SCLT1: variants seen among roughly 807,000 people sequenced by gnomAD.
SCLT1 encodes sodium channel and clathrin linker 1.
Under a neutral mutation model 112.8 loss-of-function variants are expected in SCLT1, and 78 were observed. That is an observed-to-expected ratio of 0.69 (90% CI 0.58 to 0.83). The LOEUF is 0.83. SCLT1 is among the 40% of genes least tolerant of loss of function. The probability of loss-of-function intolerance (pLI) is 0.00; values close to 1 mark genes in which losing one functional copy is unlikely to be tolerated. For synonymous variants in SCLT1, 257 were observed against 254.7 expected, an observed-to-expected ratio of 1.01 and a Z score of -0.09; for missense variants, 747 against 770.4, an observed-to-expected ratio of 0.97 and a Z score of 0.36.
At chr4:128,931,675 G>T (rs1375588159) in intron 18 of SCLT1, among the ~76,000 whole-genome samples, 1 of 152,102 alleles carries the variant, frequency 6.6e-6, no homozygotes, top group Non-Finnish European at 1.5e-5. Context: ...TGTTAGTCAG[G>T]ATGGTCTCGA....
At chr4:128,906,414 G>A (rs1461559210) in intron 18 of SCLT1, among the ~76,000 whole-genome samples, 1 of 152,038 alleles carries the variant, frequency 6.6e-6, no homozygotes, top group Non-Finnish European at 1.5e-5. Context: ...TAACCAGGAT[G>A]GTCTTGATCT....
chr4:129,068,920 G>A (rs1166383219), intron 2 of SCLT1, among the ~76,000 whole-genome samples: 1 of 152,174 alleles, frequency 6.6e-6, no homozygotes, highest in African/African-American at 2.4e-5. Flanking sequence ...TTAGATTTAA[G>A]TCCTTAATCC....
intron 9 of SCLT1, among the ~76,000 whole-genome samples, chr4:128,979,751 A>G (rs577716860): frequency 6.6e-6 from 1 of 152,302 alleles, no homozygotes; most frequent in Admixed American, 6.5e-5. Flanking sequence ...AACATCAATT[A>G]AAATATATTT....
Position 128,997,937 on chromosome 4 carries a change from A to T in SCLT1, c.552T>A (p.Asp184Glu). 1 of 1,501,090 alleles carries T rather than the reference A, an allele frequency of 6.7e-7. No individual in the cohort carries two copies. The highest frequency in any genetic ancestry group is 9.0e-7 in the Non-Finnish European group (1 of 1,114,880). The allele number at this position is 1,501,090 out of a possible 1,614,324, so 93.0% of individuals were successfully genotyped here. Residue 184 changes from aspartate to glutamate, a missense_variant and splice_region_variant, in exon 8 of 21, where the codon GAT becomes GAA. This residue lies in a region of SCLT1 where 723 missense variants were observed against 721.3 expected (regional missense o/e 1.00). Transcript: ENST00000281142. ...IHVFESQKQK[D>E]QLFDFQQLTK... ...TCAGTTGTTGAAAATCAAATAGCTG[A>T]TCCTACAGTGGGAAGGTAAGGGGAG... is the stretch of plus-strand genomic sequence containing the variant.
At chr4:128,991,445 A>T (rs1228897068) in intron 9 of SCLT1, among the ~76,000 whole-genome samples, 1 of 151,896 alleles carries the variant, frequency 6.6e-6, no homozygotes. Context: ...CTTCAAAAGT[A>T]CAGGCAACCA....
intron 18 of SCLT1, among the ~76,000 whole-genome samples, chr4:128,931,974 C>T (rs1736812040): frequency 6.6e-6 from 1 of 151,158 alleles, no homozygotes; most frequent in African/African-American, 2.4e-5. Flanking sequence ...CAATTATAGC[C>T]CATCTGGTTT....
chr4:129,080,389 T>C (rs1334230932), intron 2 of SCLT1, among the ~76,000 whole-genome samples: 2 of 152,228 alleles, frequency 1.3e-5, no homozygotes, highest in Non-Finnish European at 2.9e-5. Flanking sequence ...AGGCTACATC[T>C]TGAGTGCTTT....
chr4:128,920,199 CAA>C (rs796242809), intron 18 of SCLT1, among the ~76,000 whole-genome samples: 15 of 152,298 alleles, frequency 9.8e-5, no homozygotes, highest in African/African-American at 3.6e-4. Context: ...CGATCCGCCA[CAA>C]TCAAGTAAGC....
chr4:128,899,374 G>T (rs1373506302), intron 18 of SCLT1, among the ~76,000 whole-genome samples: 4 of 152,112 alleles, frequency 2.6e-5, no homozygotes, highest in Non-Finnish European at 4.4e-5. Context: ...TTCAACATAT[G>T]CAAATCGATA....
downstream of SCLT1, among the ~76,000 whole-genome samples, chr4:128,883,221 T>C (rs1732686817): frequency 6.7e-6 from 1 of 148,966 alleles, no homozygotes; most frequent in Non-Finnish European, 1.5e-5. Flanking sequence ...GGATTATATA[T>C]TGACAGAAGT....
At chr4:128,967,605 T>C (rs905899884) in intron 10 of SCLT1, among the ~76,000 whole-genome samples, 18 of 152,222 alleles carry the variant, frequency 1.2e-4, no homozygotes, top group Admixed American at 3.3e-4. Flanking sequence ...TTCTAACTCA[T>C]AGTGTTGAGC....
At chr4:129,059,714 TTG>T (rs988894860) in intron 2 of SCLT1, among the ~76,000 whole-genome samples, 2 of 152,216 alleles carry the variant, frequency 1.3e-5, no homozygotes, top group Non-Finnish European at 2.9e-5. Context: ...AGAAATGCTG[TTG>T]GTCTAATTAC....
At chr4:128,901,141 T>C (rs1734256461) in intron 18 of SCLT1, among the ~76,000 whole-genome samples, 1 of 152,146 alleles carries the variant, frequency 6.6e-6, no homozygotes, top group Non-Finnish European at 1.5e-5. Flanking sequence ...GAACTGGAAA[T>C]ACCATTTGAC....
intron 2 of SCLT1, among the ~76,000 whole-genome samples, chr4:129,070,316 G>T (rs2125751539): frequency 6.6e-6 from 1 of 152,084 alleles, no homozygotes; most frequent in East Asian, 1.9e-4. Context: ...TTGGGGAATA[G>T]TATCAAAAGT....
chr4:128,925,233 A>G (rs963316960), intron 18 of SCLT1, among the ~76,000 whole-genome samples: 1 of 152,188 alleles, frequency 6.6e-6, no homozygotes, highest in African/African-American at 2.4e-5. Context: ...AAAAACTGTG[A>G]GAAAATAAAT....
intron 9 of SCLT1, among the ~76,000 whole-genome samples, chr4:128,976,033 C>T (rs1385068040): frequency 6.6e-6 from 1 of 152,174 alleles, no homozygotes; most frequent in Non-Finnish European, 1.5e-5. Context: ...ATTATTTATA[C>T]ACACTTGAAG....
chr4:129,023,931 G>C (rs1745746150), intron 5 of SCLT1, among the ~76,000 whole-genome samples: 1 of 152,202 alleles, frequency 6.6e-6, no homozygotes, highest in Non-Finnish European at 1.5e-5. Context: ...GAGTCTCGCT[G>C]ATTGCTAGCA....
At chr4:128,899,336 G>A (rs1429761641) in intron 18 of SCLT1, among the ~76,000 whole-genome samples, 1 of 152,108 alleles carries the variant, frequency 6.6e-6, no homozygotes, top group African/African-American at 2.4e-5. Flanking sequence ...ATGATCAAGT[G>A]GGCTTCATCC....
At chr4:129,027,346 A>G (rs1479850728) in intron 5 of SCLT1, among the ~76,000 whole-genome samples, 3 of 152,240 alleles carry the variant, frequency 2.0e-5, no homozygotes, top group Admixed American at 2.0e-4. Context: ...CAAAAAGCTT[A>G]TCCACCATGA....
Sources: gnomAD v4.1 joint callset for allele counts (sites outside exome capture counted in the v4.1 genomes callset) on GRCh38, gnomAD v4.1.1 for gene constraint, gnomAD v4.1.1 regional missense constraint, MANE v1.5 for transcripts, NCBI Gene and HGNC (gene_info 2026-07-23, HGNC 2026-07-21) for gene names.